The following CIMIP2A variants were observed in gnomAD, a reference collection of about 807,000 sequenced individuals.
CIMIP2A encodes the protein ciliary microtubule inner protein 2A.
the CIMIP2A span, chr9:137,243,774 A>G: frequency 6.2e-7 from 1 of 1,613,994 alleles, no homozygotes; most frequent in Non-Finnish European, 8.5e-7. Context: ...GTCAGGGCGT[A>G]GTTGTCCTGC....
At chr9:137,254,967 C>CT in the CIMIP2A span, among the ~76,000 whole-genome samples, 1 of 152,214 alleles carries the variant, frequency 6.6e-6, no homozygotes, top group Non-Finnish European at 1.5e-5. Flanking sequence ...TGTCCGGCCC[C>CT]TGCGGGGCAG....
At chr9:137,253,455 C>T in the CIMIP2A span, 1 of 1,436,644 alleles carries the variant, frequency 7.0e-7, no homozygotes. Flanking sequence ...CATCTCCCCG[C>T]TACACTGAGA....
chr9:137,249,760 G>C, the CIMIP2A span, among the ~76,000 whole-genome samples: 2 of 152,234 alleles, frequency 1.3e-5, no homozygotes, highest in Non-Finnish European at 2.9e-5. Context: ...ACATGGAAGC[G>C]CCAGCCCCTC....
chr9:137,244,299 A>G, the CIMIP2A span: 3 of 1,613,420 alleles, frequency 1.9e-6, no homozygotes, highest in African/African-American at 1.3e-5. Flanking sequence ...CTGGGGAGAC[A>G]GGAAGGTGCT....
chr9:137,249,693 G>A, the CIMIP2A span, among the ~76,000 whole-genome samples: 3 of 152,242 alleles, frequency 2.0e-5, no homozygotes, highest in Non-Finnish European at 4.4e-5. Context: ...CTGAGGCTCA[G>A]GGAACTTCTG....
At chr9:137,253,144 G>T in the CIMIP2A span, 1 of 1,592,168 alleles carries the variant, frequency 6.3e-7, no homozygotes, top group Non-Finnish European at 8.6e-7. Flanking sequence ...CGCCTACCAC[G>T]TGGAGGACTG....
the CIMIP2A span, chr9:137,245,305 G>A: frequency 0.99 from 1,565,290 of 1,581,488 alleles, 774,664 homozygotes; most frequent in East Asian, 1. Context: ...TCCCCTGGCT[G>A]CCTGGTGCTG....
the CIMIP2A span, chr9:137,243,746 C>T: frequency 4.5e-5 from 73 of 1,613,984 alleles, no homozygotes; most frequent in Middle Eastern, 3.3e-4. Flanking sequence ...GTAGGCCCTC[C>T]GGGTGCTGTT....
At chr9:137,253,574 G>T in the CIMIP2A span, 3 of 1,233,054 alleles carry the variant, frequency 2.4e-6, no homozygotes, top group Non-Finnish European at 3.2e-6. Context: ...CCCTGTTGAG[G>T]GGTCTCCATT....
At chr9:137,247,513 C>T in the CIMIP2A span, 1 of 733,248 alleles carries the variant, frequency 1.4e-6, no homozygotes, top group Non-Finnish European at 2.2e-6. Flanking sequence ...CCCCAGCCCA[C>T]AGACTGCAGT....
chr9:137,247,253 C>T, the CIMIP2A span, among the ~76,000 whole-genome samples: 1 of 152,196 alleles, frequency 6.6e-6, no homozygotes, highest in Non-Finnish European at 1.5e-5. Context: ...CCATTGCATT[C>T]CAGCCTGGGT....
At chr9:137,248,218 C>CT in the CIMIP2A span, among the ~76,000 whole-genome samples, 10 of 152,132 alleles carry the variant, frequency 6.6e-5, no homozygotes, top group South Asian at 6.2e-4. Flanking sequence ...GAATTTTGTT[C>CT]TTTTTTTGTA....
At chr9:137,250,957 C>T in the CIMIP2A span, 1 of 362,838 alleles carries the variant, frequency 2.8e-6, no homozygotes, top group South Asian at 2.3e-5. Flanking sequence ...TCCACCCCCT[C>T]TGCTGAGGCC....
the CIMIP2A span, chr9:137,252,757 C>A: frequency 1.9e-6 from 3 of 1,560,304 alleles, no homozygotes; most frequent in Non-Finnish European, 2.6e-6. Context: ...CACCTGAAGG[C>A]CACACCCACC....
At chr9:137,244,171 C>T in the CIMIP2A span, 1,091 of 1,613,556 alleles carry the variant, frequency 6.8e-4, 1 homozygote, top group Non-Finnish European at 8.4e-4. Context: ...CTCTACTCAC[C>T]GGGGATGAAC....
chr9:137,244,149 T>C, the CIMIP2A span: 1,222 of 1,611,862 alleles, frequency 7.6e-4, 10 homozygotes, highest in Non-Finnish European at 1.3e-4. Flanking sequence ...TGTGTCCATG[T>C]GACCCTGCCC....
chr9:137,253,137 C>T, the CIMIP2A span: 1 of 1,582,732 alleles, frequency 6.3e-7, no homozygotes, highest in Non-Finnish European at 8.6e-7. Context: ...GCCCAGCCGC[C>T]TACCACGTGG....
chr9:137,253,482 G>A, the CIMIP2A span: 2 of 1,431,934 alleles, frequency 1.4e-6, no homozygotes, highest in Admixed American at 5.8e-5. Context: ...TGGTTTTCCC[G>A]AGCTCTGTGG....
At chr9:137,249,202 G>T in the CIMIP2A span, among the ~76,000 whole-genome samples, 1 of 152,118 alleles carries the variant, frequency 6.6e-6, no homozygotes, top group African/African-American at 2.4e-5. Context: ...TAAATATAAG[G>T]GCATAAAGCA....
Sources: allele counts gnomAD v4.1 joint callset (sites outside exome capture counted in the v4.1 genomes callset), GRCh38; gene constraint gnomAD v4.1.1; transcripts MANE v1.5; gene names NCBI Gene and HGNC (gene_info 2026-07-23, HGNC 2026-07-21).